The following SLC7A1 variants were observed in gnomAD, a reference collection of about 807,000 sequenced individuals.
SLC7A1 encodes the protein solute carrier family 7 member 1.
A neutral mutation model predicts 53.9 loss-of-function variants in SLC7A1; 10 were observed. That is an observed-to-expected ratio of 0.19 (90% CI 0.11 to 0.31). The LOEUF is 0.31. Ranked by LOEUF, SLC7A1 falls within the 10% of genes least tolerant of loss-of-function variation. SLC7A1 has a pLI of 1.00. For synonymous variants in SLC7A1, 342 were observed against 338.7 expected (o/e 1.01, Z -0.11); for missense variants, 525 against 827.2 (o/e 0.63, Z 4.48).
chr13:29,537,605 T>C (rs1464607714), intron 2 of SLC7A1, among the ~76,000 whole-genome samples: 2 of 152,170 alleles, frequency 1.3e-5, no homozygotes, highest in African/African-American at 4.8e-5. Context: ...CCCACCAAAG[T>C]AAGATACACG....
intron 2 of SLC7A1, among the ~76,000 whole-genome samples, chr13:29,544,556 G>T (rs921089072): frequency 2.0e-5 from 3 of 152,152 alleles, no homozygotes; most frequent in African/African-American, 7.2e-5. Flanking sequence ...AATTCTCAAT[G>T]CTGGTTGCAC....
chr13:29,535,093 G>T (rs1189019784), intron 3 of SLC7A1, among the ~76,000 whole-genome samples: 7 of 152,188 alleles, frequency 4.6e-5, no homozygotes, highest in Admixed American at 3.3e-4. Context: ...TTAAAAACAC[G>T]CAGACCCACT....
chr13:29,576,994 A>T (rs1037028315), intron 1 of SLC7A1, among the ~76,000 whole-genome samples: 1 of 151,990 alleles, frequency 6.6e-6, no homozygotes, highest in East Asian at 1.9e-4. Flanking sequence ...CACCTCCATC[A>T]CTGGTTGTCT....
intron 8 of SLC7A1, among the ~76,000 whole-genome samples, chr13:29,522,054 T>C (rs951104411): frequency 6.6e-6 from 1 of 152,200 alleles, no homozygotes; most frequent in Non-Finnish European, 1.5e-5. Context: ...TTTCGAATAC[T>C]GTGTGTTCTA....
At chr13:29,538,792 T>G (rs1869538014) in intron 2 of SLC7A1, among the ~76,000 whole-genome samples, 1 of 152,238 alleles carries the variant, frequency 6.6e-6, no homozygotes, top group Non-Finnish European at 1.5e-5. Flanking sequence ...AAGCCTGTGC[T>G]GGGAGATGTG....
intron 2 of SLC7A1, among the ~76,000 whole-genome samples, chr13:29,537,240 C>G (rs1441211758): frequency 6.6e-6 from 1 of 152,154 alleles, no homozygotes; most frequent in Non-Finnish European, 1.5e-5. Context: ...GGCAGGTGAC[C>G]GAGGCCAATA....
intron 2 of SLC7A1, among the ~76,000 whole-genome samples, chr13:29,540,327 C>G (rs1869608344): frequency 6.6e-6 from 1 of 152,204 alleles, no homozygotes; most frequent in African/African-American, 2.4e-5. Context: ...TCGGATCCCT[C>G]TTGCTCCCTG....
intron 1 of SLC7A1, among the ~76,000 whole-genome samples, chr13:29,564,119 G>A (rs1251883413): frequency 6.6e-6 from 1 of 152,200 alleles, no homozygotes; most frequent in East Asian, 1.9e-4. Flanking sequence ...AAGGGCTGGA[G>A]GAAGGGGTGG....
chr13:29,551,539 C>T (rs1010230216), intron 2 of SLC7A1, among the ~76,000 whole-genome samples: 3 of 152,206 alleles, frequency 2.0e-5, no homozygotes, highest in Non-Finnish European at 2.9e-5. Context: ...TGATAATGCA[C>T]TGCCCAGCCC....
intron 2 of SLC7A1, among the ~76,000 whole-genome samples, chr13:29,551,718 A>C (rs1050069199): frequency 6.6e-6 from 1 of 152,190 alleles, no homozygotes; most frequent in Non-Finnish European, 1.5e-5. Context: ...AATTTAAGTC[A>C]TGCTACTAAT....
intron 1 of SLC7A1, among the ~76,000 whole-genome samples, chr13:29,577,311 G>T (rs962798102): frequency 2.0e-5 from 3 of 152,202 alleles, no homozygotes; most frequent in African/African-American, 4.8e-5. Flanking sequence ...CACCCAACTA[G>T]GTCAGGGTTA....
At chr13:29,523,510 G>A (rs774676150) in intron 6 of SLC7A1, 22 bp from the exon 7 acceptor site, 88 of 1,564,860 alleles carry the variant, frequency 5.6e-5, no homozygotes, top group African/African-American at 1.4e-4. Flanking sequence ...AGGGGTCAGC[G>A]GAGGAGGGCA....
At chr13:29,565,361 G>A (rs905914454) in intron 1 of SLC7A1, among the ~76,000 whole-genome samples, 3 of 152,158 alleles carry the variant, frequency 2.0e-5, no homozygotes, top group Non-Finnish European at 4.4e-5. Flanking sequence ...AAGGAGGCCT[G>A]GGGAGTACTT....
rs1389902028 is a variant in SLC7A1, at chr13:29,512,079, A to G, written c.*2401T>C. On this transcript the variant is annotated 3_prime_UTR_variant, in exon 13 of 13. Coordinates refer to ENST00000380752, the MANE Select transcript of SLC7A1 (RefSeq NM_003045.5). ...TACTCCAGACACCATTGCTTAAATC[A>G]CTCCCCTCTCACACAGAGAGAAAAC... The G allele has an allele frequency of 6.6e-6, 1 of 152,080 alleles. No individual in the cohort carries two copies. Among genetic ancestry groups the G allele is most frequent in the Non-Finnish European group, 1.5e-5 (1 of 68,022 alleles). 9.4% of individuals were successfully genotyped at this position (152,080 alleles called of 1,614,324 possible).
At chr13:29,520,442 T>A (rs1868587374) in intron 8 of SLC7A1, among the ~76,000 whole-genome samples, 1 of 152,228 alleles carries the variant, frequency 6.6e-6, no homozygotes, top group Admixed American at 6.5e-5. Context: ...TCACTTCACG[T>A]GGAAGAAATC....
chr13:29,578,200 T>G (rs898793416), intron 1 of SLC7A1, among the ~76,000 whole-genome samples: 1 of 152,136 alleles, frequency 6.6e-6, no homozygotes, highest in South Asian at 2.1e-4. Flanking sequence ...CAAATGAGAT[T>G]TCCCCTCTCC....
At chr13:29,518,190 T>C (rs72623486) in intron 9 of SLC7A1, among the ~76,000 whole-genome samples, 14,107 of 152,286 alleles carry the variant, frequency 0.093, 1,887 homozygotes, top group East Asian at 0.66. Context: ...AGGATCCTAT[T>C]TGGCACAGAG....
At chr13:29,546,878 G>A (rs1869943286) in intron 2 of SLC7A1, among the ~76,000 whole-genome samples, 3 of 152,142 alleles carry the variant, frequency 2.0e-5, no homozygotes, top group Non-Finnish European at 2.9e-5. Flanking sequence ...CCAGCTCCAC[G>A]CCACACACAT....
At position 29,535,941 on chromosome 13, in the gene SLC7A1, C is replaced by G. The variant is rs1246342225; in HGVS notation, c.248G>C (p.Cys83Ser). ...AALASVLAGLCYGEFGARVPK... is the reference protein window; with the variant it reads ...AALASVLAGLSYGEFGARVPK... ...GACCCGAGCACCAAACTCGCCATAG[C>G]ACAGGCCAGCCAGCACTGAGGCCAG... Residue 83 changes from cysteine (C) to serine (S), a missense_variant, in exon 3 of 13, where the codon TGC becomes TCC. Coordinates refer to ENST00000380752, the MANE Select transcript of SLC7A1 (RefSeq NM_003045.5). 3.1e-6 allele frequency: 5 copies of G among 1,614,210 alleles called. No individual in the cohort carries two copies. The South Asian group carries it at 5.5e-5, about 18-fold the overall frequency.
Sources: gnomAD v4.1 joint callset for allele counts (sites outside exome capture counted in the v4.1 genomes callset) on GRCh38, gnomAD v4.1.1 for gene constraint, MANE v1.5 for transcripts, NCBI Gene and HGNC (gene_info 2026-07-23, HGNC 2026-07-21) for gene names.